CTTN: variants seen among roughly 807,000 people sequenced by gnomAD.
CTTN encodes cortactin, also known as src substrate cortactin.
A neutral mutation model predicts 84.0 loss-of-function variants in CTTN; 28 were observed. That is an observed-to-expected ratio of 0.33 (90% CI 0.25 to 0.46). The LOEUF (loss-of-function observed/expected upper bound fraction) is 0.46, where lower values mean the gene tolerates loss of function less well. Ranked by LOEUF, CTTN falls within the 20% of genes least tolerant of loss-of-function variation. CTTN has a pLI of 1.00. For missense variants in CTTN, 641 were observed against 723.8 expected, an observed-to-expected ratio of 0.89 and a Z score of 1.31; for synonymous variants, 301 against 288.8, an observed-to-expected ratio of 1.04 and a Z score of -0.43.
At chr11:70,404,828 A>C (rs879393352) in intron 1 of CTTN, among the ~76,000 whole-genome samples, 7 of 152,048 alleles carry the variant, frequency 4.6e-5, no homozygotes, top group Non-Finnish European at 1.0e-4. Flanking sequence ...CATGGAGAAA[A>C]CCCGTCTGTA....
Position 70,422,622 on chromosome 11 carries a change from C to T in CTTN, c.902-318C>T, listed in dbSNP as rs533197306. 999 of 1,349,864 alleles carry T rather than the reference C, an allele frequency of 7.4e-4. 2 individuals carry two copies. The highest frequency in any genetic ancestry group is 9.0e-4 in the Non-Finnish European group (927 of 1,028,432). The allele number at this position is 1,349,864 out of a possible 1,614,324, so 83.6% of individuals were successfully genotyped here. A position where few individuals can be genotyped will look rare whatever the true frequency, so the allele number is the denominator to read the frequency against. On this transcript the variant is annotated intron_variant, in intron 11 of 17. Coordinates refer to ENST00000301843, the MANE Select transcript of CTTN (RefSeq NM_005231.4). ...GGAAGACTGTGCTATTGAAGTGGCG[C>T]GTTGCAAAGGCCTGTCCGTGCCCTC...
intron 9 of CTTN, 157 bp from the exon 10 acceptor site, chr11:70,420,228 ACTCTCCAAGGAGGGC>A: frequency 1.6e-6 from 1 of 622,928 alleles, no homozygotes; most frequent in Non-Finnish European, 2.9e-6. Context: ...ATTTCCTGCC[ACTCTCCAAGGAGGGC>A]CTCTTCATGG....
chr11:70,407,643 C>T (rs377138627), intron 4 of CTTN, 52 bp downstream of exon 4: 1 of 1,538,454 alleles, frequency 6.5e-7, no homozygotes, highest in Non-Finnish European at 8.9e-7. Context: ...GATGGAGCCC[C>T]AGGTGCAACA....
chr11:70,402,601 T>C (rs1418547380), intron 1 of CTTN, among the ~76,000 whole-genome samples: 1 of 152,240 alleles, frequency 6.6e-6, no homozygotes, highest in Non-Finnish European at 1.5e-5. Flanking sequence ...TGGTCTTTTG[T>C]GCGTGGTTTT....
At chr11:70,427,320 G>C (rs2058310372) in intron 13 of CTTN, among the ~76,000 whole-genome samples, 1 of 152,138 alleles carries the variant, frequency 6.6e-6, no homozygotes, top group Non-Finnish European at 1.5e-5. Flanking sequence ...CTGCACTCCA[G>C]CCTGGGCGAC....
chr11:70,410,712 TC>T (rs2058088388), intron 5 of CTTN, among the ~76,000 whole-genome samples: 1 of 152,142 alleles, frequency 6.6e-6, no homozygotes. Flanking sequence ...AAAACAGACA[TC>T]CTGGAGGTGA....
chr11:70,434,830 ACT>A (rs1211621537), intron 17 of CTTN, among the ~76,000 whole-genome samples, 194 bp from the exon 18 acceptor site: 1 of 151,148 alleles, frequency 6.6e-6, no homozygotes. Flanking sequence ...GCCTCTTTGT[ACT>A]CTCTCGGTTC....
At chr11:70,400,725 C>T (rs1404764960) in intron 1 of CTTN, among the ~76,000 whole-genome samples, 1 of 152,384 alleles carries the variant, frequency 6.6e-6, no homozygotes, top group Admixed American at 6.5e-5. Flanking sequence ...GTGTGAATTG[C>T]TGTGAGCGCT....
intron 4 of CTTN, among the ~76,000 whole-genome samples, chr11:70,408,577 C>T (rs1001907923): frequency 6.6e-6 from 1 of 152,040 alleles, no homozygotes; most frequent in Non-Finnish European, 1.5e-5. Context: ...GCTTTTATTT[C>T]TTGTAAAGAT....
At chr11:70,424,960 T>A (rs2058284626) in intron 12 of CTTN, among the ~76,000 whole-genome samples, 1 of 152,080 alleles carries the variant, frequency 6.6e-6, no homozygotes, top group Non-Finnish European at 1.5e-5. Context: ...CTGGGTAGTG[T>A]GTAGGACGGG....
chr11:70,400,604 A>C (rs1054623344), intron 1 of CTTN, among the ~76,000 whole-genome samples: 3 of 152,214 alleles, frequency 2.0e-5, no homozygotes, highest in Non-Finnish European at 4.4e-5. Flanking sequence ...TAATTGTAGC[A>C]TTTTGATGGA....
intron 17 of CTTN, among the ~76,000 whole-genome samples, chr11:70,434,114 C>T (rs879813050): frequency 4.6e-5 from 7 of 152,224 alleles, no homozygotes; most frequent in Admixed American, 1.3e-4. Flanking sequence ...CTGCCCCGGC[C>T]GCCAGCTCCC....
At chr11:70,403,341 A>C (rs1053211104) in intron 1 of CTTN, among the ~76,000 whole-genome samples, 3 of 151,654 alleles carry the variant, frequency 2.0e-5, no homozygotes, top group African/African-American at 7.3e-5. Context: ...GGCATGCGTC[A>C]CCACGCCCTG....
intron 13 of CTTN, 62 bp from the exon 14 acceptor site, chr11:70,428,989 G>T: frequency 6.3e-7 from 1 of 1,593,814 alleles, no homozygotes; most frequent in Non-Finnish European, 8.6e-7. Flanking sequence ...GGGTGGGGCT[G>T]TTGTCCAGGA....
intron 16 of CTTN, 114 bp downstream of exon 16, chr11:70,433,392 C>G: frequency 8.8e-7 from 1 of 1,135,068 alleles, no homozygotes; most frequent in Non-Finnish European, 1.2e-6. Context: ...CACGCCTTTG[C>G]TTGCTTGCTA....
chr11:70,407,073 A>G (rs1321375496), intron 2 of CTTN, among the ~76,000 whole-genome samples: 3 of 152,204 alleles, frequency 2.0e-5, no homozygotes, highest in Non-Finnish European at 4.4e-5. Flanking sequence ...TATTTCCAGT[A>G]TATTTCTGAC....
intron 5 of CTTN, among the ~76,000 whole-genome samples, chr11:70,411,890 G>A (rs565720717): frequency 5.9e-5 from 9 of 152,286 alleles, no homozygotes; most frequent in Admixed American, 4.6e-4. Flanking sequence ...GCTTTTCAAG[G>A]GTCGGGACTT....
chr11:70,405,059 A>G (rs984010176), intron 1 of CTTN, among the ~76,000 whole-genome samples: 2 of 152,174 alleles, frequency 1.3e-5, no homozygotes, highest in African/African-American at 2.4e-5. Context: ...ATCTTTTAAA[A>G]CTTATTTCTT....
intron 13 of CTTN, among the ~76,000 whole-genome samples, chr11:70,427,986 C>CT (rs774121438): frequency 2.0e-5 from 3 of 152,086 alleles, no homozygotes; most frequent in Non-Finnish European, 4.4e-5. Flanking sequence ...AGATACCCAG[C>CT]TTTGCATAAC....
Sources: allele counts gnomAD v4.1 joint callset (sites outside exome capture counted in the v4.1 genomes callset), GRCh38; gene constraint gnomAD v4.1.1; transcripts MANE v1.5; gene names NCBI Gene and HGNC (gene_info 2026-07-23, HGNC 2026-07-21).